The following STRADA variants were observed in gnomAD, a reference collection of about 807,000 sequenced individuals.
STRADA encodes the protein STE20 related adaptor alpha.
A neutral mutation model predicts 55.0 loss-of-function variants in STRADA; 26 were observed. The ratio of observed to expected loss-of-function variants is 0.47; its 90% CI spans 0.35 to 0.66. STRADA has a LOEUF of 0.66. STRADA is among the 30% of genes least tolerant of loss of function. The pLI, the probability that STRADA is intolerant of heterozygous loss-of-function variation, is 0.01. For missense variants in STRADA, 443 were observed against 549.7 expected, an observed-to-expected ratio of 0.81 and a Z score of 1.94; for synonymous variants, 197 against 210.9, an observed-to-expected ratio of 0.93 and a Z score of 0.57.
intron 1 of STRADA, among the ~76,000 whole-genome samples, chr17:63,729,648 G>C (rs934279220): frequency 1.8e-4 from 27 of 151,848 alleles, no homozygotes; most frequent in African/African-American, 5.6e-4. Flanking sequence ...AATTAGCCAG[G>C]CATGGTGACA....
At chr17:63,716,476 G>T (rs2036893008) in intron 4 of STRADA, among the ~76,000 whole-genome samples, 1 of 152,154 alleles carries the variant, frequency 6.6e-6, no homozygotes, top group East Asian at 1.9e-4. Flanking sequence ...TCATGGATTT[G>T]ATTTACATTT....
intron 9 of STRADA, 108 bp from the exon 10 acceptor site, chr17:63,706,847 C>T: frequency 1.3e-6 from 1 of 781,926 alleles, no homozygotes; most frequent in East Asian, 2.5e-5. Flanking sequence ...TCAGGACCTG[C>T]TGCTAATGAC....
At chr17:63,723,359 T>C (rs1370858865) in intron 3 of STRADA, 33 bp from the exon 4 acceptor site, 1 of 1,614,126 alleles carries the variant, frequency 6.2e-7, no homozygotes, top group African/African-American at 1.3e-5. Context: ...TGGCATTTTG[T>C]GTTTTAGCAG....
At position 63,709,190 on chromosome 17, in the gene STRADA, T is replaced by C. The variant is rs568231966; in HGVS notation, c.581+1301A>G. On this transcript the variant is annotated intron_variant, in intron 8 of 12. Coordinates refer to ENST00000336174, the MANE Select transcript of STRADA (RefSeq NM_001003787.4). ...CATCCAGAAGTGGCATTGATGGTTC[T>C]GGTTCTGTGACCCTGACTGGCAGCA... 1.6e-4 allele frequency among the ~76,000 whole-genome samples: 24 copies of C among 152,336 alleles called. 1 individual carries two copies. In the South Asian group the frequency reaches 3.7e-3, roughly 24 times the overall value.
intron 1 of STRADA, among the ~76,000 whole-genome samples, chr17:63,735,345 C>T (rs992931232): frequency 6.6e-6 from 1 of 152,082 alleles, no homozygotes; most frequent in African/African-American, 2.4e-5. Flanking sequence ...GTATGAATTG[C>T]GTTCTTGCAT....
intron 9 of STRADA, 31 bp downstream of exon 9, chr17:63,707,216 T>A: frequency 6.2e-7 from 1 of 1,610,956 alleles, no homozygotes; most frequent in Non-Finnish European, 8.5e-7. Flanking sequence ...ATGAGTTGGG[T>A]AGGGGAGCTC....
At chr17:63,729,995 GCC>G (rs1367199978) in intron 1 of STRADA, among the ~76,000 whole-genome samples, 2 of 151,732 alleles carry the variant, frequency 1.3e-5, no homozygotes, top group Non-Finnish European at 2.9e-5. Flanking sequence ...CTGCCACCAT[GCC>G]TGGCTAATTT....
chr17:63,706,777 G>A, intron 9 of STRADA, 38 bp from the exon 10 acceptor site: 2 of 1,534,756 alleles, frequency 1.3e-6, no homozygotes, highest in Non-Finnish European at 1.8e-6. Context: ...TACCCCATTT[G>A]GTCTTTGTTC....
chr17:63,713,311 G>T, intron 6 of STRADA, 95 bp downstream of exon 6: 3 of 1,523,846 alleles, frequency 2.0e-6, no homozygotes, highest in South Asian at 1.3e-5. Flanking sequence ...ACTTCCGAAC[G>T]TTTAGTCTCC....
chr17:63,726,318 C>T (rs1226261324), intron 3 of STRADA: 1 of 244,336 alleles, frequency 4.1e-6, no homozygotes, highest in African/African-American at 2.2e-5. Context: ...TTTGTCTTGA[C>T]AATTATTTTT....
upstream of STRADA, chr17:63,741,969 C>T (rs936979988): frequency 1.3e-5 from 2 of 152,270 alleles, no homozygotes; most frequent in Non-Finnish European, 2.9e-5. Flanking sequence ...GCCGCCGCGC[C>T]GAGAGCGGTT....
intron 1 of STRADA, among the ~76,000 whole-genome samples, chr17:63,736,045 G>A (rs554343406): frequency 6.6e-6 from 1 of 152,218 alleles, no homozygotes; most frequent in Non-Finnish European, 1.5e-5. Context: ...GGGTTCAAGG[G>A]ATTCTCCTGC....
intron 11 of STRADA, 117 bp from the exon 12 acceptor site, chr17:63,704,164 A>G (rs1330032254): frequency 1.3e-6 from 2 of 1,525,722 alleles, no homozygotes; most frequent in Non-Finnish European, 1.8e-6. Context: ...GCTCATGGGA[A>G]GCAGTGGCCA....
intron 6 of STRADA, among the ~76,000 whole-genome samples, chr17:63,712,793 G>A (rs2036587074): frequency 6.6e-6 from 1 of 151,984 alleles, no homozygotes; most frequent in South Asian, 2.1e-4. Context: ...CTGAAGTCAG[G>A]AGTTTGAGAC....
intron 6 of STRADA, among the ~76,000 whole-genome samples, chr17:63,713,092 C>T (rs573883833): frequency 6.6e-6 from 1 of 152,156 alleles, no homozygotes; most frequent in East Asian, 1.9e-4. Context: ...AGGGCAGGCA[C>T]CTTGTGTCTG....
intron 11 of STRADA, 84 bp from the exon 12 acceptor site, chr17:63,704,131 G>A (rs550047805): frequency 1.2e-4 from 185 of 1,566,180 alleles, no homozygotes; most frequent in Middle Eastern, 1.0e-3. Context: ...CCTCAGCCTC[G>A]GGTCCCCTCT....
chr17:63,714,203 C>T, intron 4 of STRADA, 95 bp from the exon 5 acceptor site: 1 of 819,728 alleles, frequency 1.2e-6, no homozygotes, highest in South Asian at 1.4e-5. Flanking sequence ...AGGAGACTGG[C>T]ATCTAAACAC....
At chr17:63,711,822 C>A (rs1041068831) in intron 6 of STRADA, among the ~76,000 whole-genome samples, 1 of 152,086 alleles carries the variant, frequency 6.6e-6, no homozygotes, top group Non-Finnish European at 1.5e-5. Flanking sequence ...TTAGTCCCAG[C>A]TACTCGGGAA....
At chr17:63,708,384 G>A (rs960060444) in intron 8 of STRADA, among the ~76,000 whole-genome samples, 4 of 151,868 alleles carry the variant, frequency 2.6e-5, no homozygotes, top group Non-Finnish European at 5.9e-5. Context: ...ATTTTTAGTA[G>A]AGACAGGGTT....
Sources: allele counts gnomAD v4.1 joint callset (sites outside exome capture counted in the v4.1 genomes callset), GRCh38; gene constraint gnomAD v4.1.1; transcripts MANE v1.5; gene names NCBI Gene and HGNC (gene_info 2026-07-23, HGNC 2026-07-21).